XXYLT1: variants seen among roughly 807,000 people sequenced by gnomAD.
XXYLT1 encodes xyloside xylosyltransferase 1, also known as UDP-xylose:alpha-xyloside alpha-1,3-xylosyltransferase.
XXYLT1 carries 20 observed loss-of-function variants against 28.9 expected under a neutral mutation model. The observed-to-expected ratio is 0.69, with a 90% CI of 0.49 to 1.00. The LOEUF (loss-of-function observed/expected upper bound fraction) is 1.00. Among genes scored for constraint, XXYLT1 ranks in the 50% least tolerant of loss-of-function variants. The pLI is 0.00. For missense variants in XXYLT1, 542 were observed against 560.1 expected (o/e 0.97, Z 0.33); for synonymous variants, 257 against 253.8 (o/e 1.01, Z -0.12).
At chr3:195,072,848 G>T (rs1472827626) in intron 3 of XXYLT1, among the ~76,000 whole-genome samples, 2 of 152,236 alleles carry the variant, frequency 1.3e-5, no homozygotes, top group East Asian at 3.8e-4. Flanking sequence ...TTCTGTGTCT[G>T]CTGGTTCTCG....
At chr3:195,175,528 C>A in intron 2 of XXYLT1, 1 of 1,503,884 alleles carries the variant, frequency 6.6e-7, no homozygotes, top group Non-Finnish European at 8.9e-7. Context: ...CACCCATGGG[C>A]TGTTCAGATG....
At chr3:195,128,731 T>C (rs1718759838) in intron 3 of XXYLT1, among the ~76,000 whole-genome samples, 1 of 152,234 alleles carries the variant, frequency 6.6e-6, no homozygotes, top group Admixed American at 6.5e-5. Flanking sequence ...GCCTCTCCTA[T>C]GTGTTTAGAG....
chr3:195,185,857 C>T (rs1263955189), intron 2 of XXYLT1, among the ~76,000 whole-genome samples: 1 of 152,138 alleles, frequency 6.6e-6, no homozygotes, highest in Admixed American at 6.5e-5. Flanking sequence ...AGACCAGAGG[C>T]CTCTCCCTTC....
chr3:195,148,689 CAG>C (rs1720009139), intron 3 of XXYLT1, among the ~76,000 whole-genome samples: 1 of 152,162 alleles, frequency 6.6e-6, no homozygotes, highest in South Asian at 2.1e-4. Context: ...AGGCAATCTG[CAG>C]AGAGATGGAA....
chr3:195,088,382 C>T (rs558252375), intron 3 of XXYLT1, among the ~76,000 whole-genome samples: 5 of 146,936 alleles, frequency 3.4e-5, no homozygotes, highest in Admixed American at 2.1e-4. Context: ...TGACCCCTGA[C>T]CCCCGAGCAG....
At chr3:195,212,927 C>G (rs979082230) in intron 2 of XXYLT1, among the ~76,000 whole-genome samples, 11 of 152,226 alleles carry the variant, frequency 7.2e-5, no homozygotes, top group African/African-American at 2.4e-5. Context: ...CGCGAGGGCG[C>G]TCCACCCATG....
chr3:195,239,165 A>T (rs142804215), intron 1 of XXYLT1, among the ~76,000 whole-genome samples: 88 of 152,360 alleles, frequency 5.8e-4, no homozygotes, highest in African/African-American at 2.1e-3. Flanking sequence ...CATGGAATAG[A>T]CTTTATGCAG....
intron 1 of XXYLT1, among the ~76,000 whole-genome samples, chr3:195,253,500 T>C (rs903080038): frequency 3.3e-5 from 5 of 150,296 alleles, no homozygotes; most frequent in Non-Finnish European, 7.4e-5. Context: ...TTTCTTTTTT[T>C]TTCTTTTTTT....
intron 2 of XXYLT1, among the ~76,000 whole-genome samples, chr3:195,167,400 G>A (rs1721182244): frequency 6.6e-6 from 1 of 152,142 alleles, no homozygotes; most frequent in African/African-American, 2.4e-5. Context: ...AGGCCAGCCT[G>A]GCCAGCATGG....
intron 3 of XXYLT1, among the ~76,000 whole-genome samples, chr3:195,130,972 G>A (rs1718875877): frequency 6.6e-6 from 1 of 152,190 alleles, no homozygotes; most frequent in Non-Finnish European, 1.5e-5. Flanking sequence ...CTTAGCCTGA[G>A]ACCTGCAAAC....
intron 3 of XXYLT1, among the ~76,000 whole-genome samples, chr3:195,101,813 A>AGAGGGGAAGG (rs1481050811): frequency 1.1e-4 from 14 of 128,366 alleles, no homozygotes; most frequent in Non-Finnish European, 2.3e-4. Flanking sequence ...AAAAAAGGGG[A>AGAGGGGAAGG]GAGGGGAAGG....
At position 195,168,220 on chromosome 3, in the gene XXYLT1, A is replaced by G. The variant is rs1332431569; in HGVS notation, c.653-11639T>C. Among the ~76,000 whole-genome samples the G allele has an allele frequency of 1.3e-5, 2 of 151,540 alleles. No individual in the cohort carries two copies. The highest frequency in any genetic ancestry group is 4.9e-5 in the African/African-American group (2 of 41,190). On this transcript the variant is annotated intron_variant, in intron 2 of 3. Coordinates refer to ENST00000310380, the MANE Select transcript of XXYLT1 (RefSeq NM_152531.5). The surrounding 1 kb of genome is among the most constrained non-coding windows in gnomAD (Gnocchi z 4.3). ...GGGTTTGAAATGAATGTGGTCTGAG[A>G]CTCCTCCCAGCCCTACCACCCTGTG...
intron 2 of XXYLT1, among the ~76,000 whole-genome samples, chr3:195,161,829 G>C (rs1720888469): frequency 6.6e-6 from 1 of 151,894 alleles, no homozygotes; most frequent in Admixed American, 6.6e-5. Flanking sequence ...TGTTGGCCAG[G>C]CTGGTCTCAA....
At chr3:195,093,029 A>C (rs1283104284) in intron 3 of XXYLT1, among the ~76,000 whole-genome samples, 1 of 93,212 alleles carries the variant, frequency 1.1e-5, no homozygotes, top group African/African-American at 5.9e-5. Context: ...GTCAGGAAAC[A>C]ACAGGTGCTG....
intron 1 of XXYLT1, among the ~76,000 whole-genome samples, chr3:195,241,342 T>A (rs1229248698): frequency 3.9e-5 from 6 of 152,228 alleles, no homozygotes; most frequent in Non-Finnish European, 5.9e-5. Flanking sequence ...TTCTGTGTCC[T>A]GATTTTCATG....
At chr3:195,247,697 G>C (rs1725086230) in intron 1 of XXYLT1, 1 of 665,922 alleles carries the variant, frequency 1.5e-6, no homozygotes. Context: ...TGCTGTATTA[G>C]CCTGTTCTCA....
At chr3:195,247,224 A>ACGGC (rs936856222) in intron 1 of XXYLT1, among the ~76,000 whole-genome samples, 4 of 152,058 alleles carry the variant, frequency 2.6e-5, no homozygotes, top group Non-Finnish European at 4.4e-5. Flanking sequence ...AAGAGGGCGA[A>ACGGC]CGGCCGTTCC....
intron 3 of XXYLT1, among the ~76,000 whole-genome samples, chr3:195,143,406 C>G (rs562570976): frequency 7.0e-4 from 107 of 152,166 alleles, no homozygotes; most frequent in African/African-American, 2.6e-3. Flanking sequence ...GCTTAATTGT[C>G]GATATTTTGA....
chr3:195,139,206 G>A (rs532211395), intron 3 of XXYLT1, among the ~76,000 whole-genome samples: 39 of 152,188 alleles, frequency 2.6e-4, no homozygotes, highest in Non-Finnish European at 4.3e-4. Context: ...GTGGGTAGGC[G>A]GTCCCTTGGC....
Sources: allele counts gnomAD v4.1 joint callset (sites outside exome capture counted in the v4.1 genomes callset), GRCh38; gene constraint gnomAD v4.1.1; non-coding constraint Gnocchi (gnomAD v3.1); transcripts MANE v1.5; gene names NCBI Gene and HGNC (gene_info 2026-07-23, HGNC 2026-07-21).